The following ACACB variants were observed in gnomAD, a reference collection of about 807,000 sequenced individuals.
ACACB encodes the protein acetyl-CoA carboxylase 2.
A neutral mutation model predicts 278.8 loss-of-function variants in ACACB; 209 were observed. That is an observed-to-expected ratio of 0.75 (90% CI 0.67 to 0.84). The LOEUF is 0.84. ACACB is among the 40% of genes least tolerant of loss of function. The probability of loss-of-function intolerance (pLI) is 0.00; values close to 1 mark genes in which losing one functional copy is unlikely to be tolerated. For synonymous variants in ACACB, 1,174 were observed against 1,285.6 expected, an observed-to-expected ratio of 0.91 and a Z score of 1.86; for missense variants, 2,850 against 3,269.0, an observed-to-expected ratio of 0.87 and a Z score of 3.13.
intron 2 of ACACB, among the ~76,000 whole-genome samples, chr12:109,161,952 AC>A (rs34435040): frequency 0.46 from 69,778 of 150,448 alleles, 17,820 homozygotes; most frequent in Middle Eastern, 0.7. Flanking sequence ...GGTTGCATCT[AC>A]CTTTTTTTGT....
chr12:109,235,579 G>T (rs760508803), intron 32 of ACACB, 27 bp from the exon 33 acceptor site: 1 of 1,606,446 alleles, frequency 6.2e-7, no homozygotes, highest in Non-Finnish European at 8.5e-7. Flanking sequence ...TGATTTAATT[G>T]TCTTGTGTGT....
In ACACB at chr12:109,237,258, C is replaced by G. The variant is rs1394828261; in HGVS notation, c.4540C>G (p.Pro1514Ala). Reference sequence around the variant, plus strand: ...GCGTAACTTCGATCTGACCGCCGTGCCCTGTGCCAACCACAAGATGCACCT... The same window carrying G: ...GCGTAACTTCGATCTGACCGCCGTGGCCTGTGCCAACCACAAGATGCACCT... ...RMRNFDLTAV[P>A]CANHKMHLYL... Residue 1514 changes from proline (P) to alanine (A), a missense_variant, in exon 34 of 53, where the codon CCC becomes GCC. Physicochemically the swap from Pro to Ala is conservative, Grantham distance 27. This residue lies in a region of ACACB where 2,265 missense variants were observed against 2,561.3 expected (regional missense o/e 0.88). Coordinates refer to ENST00000338432, the MANE Select transcript of ACACB (RefSeq NM_001093.4). 2 of 1,614,202 alleles carry G rather than the reference C, an allele frequency of 1.2e-6. No homozygotes were observed. Among genetic ancestry groups the G allele is most frequent in the Non-Finnish European group, 1.7e-6 (2 of 1,180,028 alleles).
At chr12:109,121,886 T>C (rs1369604417) in intron 1 of ACACB, among the ~76,000 whole-genome samples, 1 of 152,110 alleles carries the variant, frequency 6.6e-6, no homozygotes, top group Non-Finnish European at 1.5e-5. Context: ...ATAAACTCAT[T>C]GGTGAATGCA....
intron 28 of ACACB, among the ~76,000 whole-genome samples, chr12:109,229,523 G>C (rs115295143): frequency 0.023 from 3,549 of 151,948 alleles, 147 homozygotes; most frequent in African/African-American, 0.082. Flanking sequence ...GTTCTCACCT[G>C]AGAATATCTT....
chr12:109,163,813 C>A (rs2043814369), intron 2 of ACACB, among the ~76,000 whole-genome samples: 1 of 152,076 alleles, frequency 6.6e-6, no homozygotes, highest in Non-Finnish European at 1.5e-5. Context: ...CCATGCCCGG[C>A]TAATTTTTGT....
Position 109,193,676 on chromosome 12 carries a change from C to A in ACACB, c.2428C>A (p.Leu810Met). Residue 810 changes from leucine to methionine, a missense_variant, in exon 16 of 53, where the codon CTG becomes ATG. Coordinates refer to ENST00000338432, the MANE Select transcript of ACACB (RefSeq NM_001093.4). ...RGQVLPADSL[L>M]NLVDVELIYG... ...CCAGGTCCTCCCAGCGGATTCACTA[C>A]TGAACCTCGTAGATGTGGAATTAAT... 1 of 1,613,990 alleles carries A rather than the reference C, an allele frequency of 6.2e-7. No individual in the cohort carries two copies. Among genetic ancestry groups the A allele is most frequent in the East Asian group, 2.2e-5 (1 of 44,888 alleles).
In ACACB at chr12:109,167,013, C is replaced by T. The variant is rs771001580; in HGVS notation, c.786+20C>T. The T allele has an allele frequency of 3.9e-5, 63 of 1,613,642 alleles. No homozygotes were observed. Among genetic ancestry groups the T allele is most frequent in the Non-Finnish European group, 1.9e-5 (23 of 1,179,880 alleles). ...GAGAAGGTACAGATGGGTCTCGGCA[C>T]TCTGGGTGGGGTCCGATTGGGGTGC... On this transcript the variant is annotated intron_variant, in intron 3 of 52. Transcript: ENST00000338432.
Position 109,267,422 on chromosome 12 carries a change from G to T in ACACB, c.*1060G>T, listed in dbSNP as rs1363347677. On this transcript the variant is annotated 3_prime_UTR_variant, in exon 53 of 53. Coordinates refer to ENST00000338432, the MANE Select transcript of ACACB (RefSeq NM_001093.4). ...CTTCTCTCCAAGGAAAATGAGGACT[G>T]CCCCTTCCCCCTGCAGGATTGGCCC... 6.6e-6 allele frequency: 1 copy of T among 152,372 alleles called. No individual in the cohort carries two copies. The highest frequency in any genetic ancestry group is 2.4e-5 in the African/African-American group (1 of 41,466). The allele number at this position is 152,372 out of a possible 1,614,324, so 9.4% of individuals were successfully genotyped here.
Position 109,191,916 on chromosome 12 carries a change from A to G in ACACB, c.2365A>G (p.Thr789Ala), listed in dbSNP as rs941660768. Residue 789 changes from threonine to alanine, a missense_variant, in exon 15 of 53, where the codon ACG becomes GCG. Physicochemically the swap from Thr to Ala is moderately conservative, Grantham distance 58. Transcript: ENST00000338432. ...GAACGTGGCCGATGCGATGTTCAGA[A>G]CGTGCATGACAGATTTCTTACACTC... is the stretch of plus-strand genomic sequence containing the variant. ...ALNVADAMFR[T>A]CMTDFLHSLE... is the part of the protein sequence containing the mutation. 1.9e-6 allele frequency: 3 copies of G among 1,614,208 alleles called. No individual in the cohort carries two copies. The highest frequency in any genetic ancestry group is 2.5e-6 in the Non-Finnish European group (3 of 1,180,024).
Position 109,166,775 on chromosome 12 carries a change from T to G in ACACB, c.654-86T>G. 3.9e-6 allele frequency: 6 copies of G among 1,535,374 alleles called. No homozygotes were observed. In the South Asian group the frequency reaches 6.9e-5, roughly 18 times the overall value. Reference sequence around the variant, plus strand: ...GGGGGCTCTGGTGCAGTTTGGCTCCTCTGCTCCACTGGCTTTACAGGTGCC... The same window carrying G: ...GGGGGCTCTGGTGCAGTTTGGCTCCGCTGCTCCACTGGCTTTACAGGTGCC... On this transcript the variant is annotated intron_variant, in intron 2 of 52. Coordinates refer to ENST00000338432, the MANE Select transcript of ACACB (RefSeq NM_001093.4).
intron 1 of ACACB, among the ~76,000 whole-genome samples, chr12:109,132,996 T>C (rs1265834672): frequency 1.3e-5 from 2 of 152,134 alleles, no homozygotes; most frequent in Non-Finnish European, 2.9e-5. Context: ...ATCTTGCCCA[T>C]TGACTCATCC....
Position 109,232,810 on chromosome 12 carries a change from C to G in ACACB, c.4139+4C>G. The G allele has an allele frequency of 6.2e-7, 1 of 1,614,002 alleles. No homozygotes were observed. Among genetic ancestry groups the G allele is most frequent in the Non-Finnish European group, 8.5e-7 (1 of 1,179,960 alleles). On this transcript the variant is annotated splice_donor_region_variant and intron_variant, in intron 29 of 52. Transcript: ENST00000338432. ...GGAGATTCGAGGACTTCACCAGGTACCCAGCATGGCCCGGTCTCCAACACC... is the reference window on the plus strand; with the variant it reads ...GGAGATTCGAGGACTTCACCAGGTAGCCAGCATGGCCCGGTCTCCAACACC...
At chr12:109,227,317 A>T in intron 27 of ACACB, 54 bp from the exon 28 acceptor site, 1 of 1,513,404 alleles carries the variant, frequency 6.6e-7, no homozygotes, top group Admixed American at 1.9e-5. Flanking sequence ...TCAGCTTTTG[A>T]GCACACTCTG....
intron 13 of ACACB, among the ~76,000 whole-genome samples, chr12:109,190,889 G>A (rs2044852103): frequency 6.6e-6 from 1 of 152,060 alleles, no homozygotes; most frequent in Admixed American, 6.6e-5. Context: ...GACTCCCAAA[G>A]CAGTGGGATT....
intron 4 of ACACB, among the ~76,000 whole-genome samples, chr12:109,171,199 A>G (rs2044103820): frequency 6.6e-6 from 1 of 151,916 alleles, no homozygotes; most frequent in South Asian, 2.1e-4. Flanking sequence ...TAAACTTTAA[A>G]TAGGACTTTT....
Position 109,244,562 on chromosome 12 carries a change from G to A in ACACB, c.5179-1064G>A, listed in dbSNP as rs571554047. On this transcript the variant is annotated intron_variant, in intron 37 of 52. Transcript: ENST00000338432. ...TGACTGAACCAGAAGCAAATCCATC[G>A]TCTCTTTTTTAGATAAATCCATTGT... Among the ~76,000 whole-genome samples, 8 of 152,216 alleles carry A rather than the reference G, an allele frequency of 5.3e-5. No individual in the cohort carries two copies. The South Asian group carries it at 1.0e-3, about 20-fold the overall frequency.
chr12:109,249,882 A>G lies in ACACB; in HGVS notation c.5670-102A>G, dbSNP rs538131909. The G allele has an allele frequency of 4.3e-4, 614 of 1,441,278 alleles. 4 individuals carry two copies. In the East Asian group the frequency reaches 6.8e-3, roughly 16 times the overall value. The allele number at this position is 1,441,278 out of a possible 1,614,324, so 89.3% of individuals were successfully genotyped here. A position where few individuals can be genotyped will look rare whatever the true frequency, so the allele number is the denominator to read the frequency against. ...CCTCTGGATGCTTTGTCTGCTTCCA[A>G]TCTCTCACCTTGCTGCCCAGTCAGT... On this transcript the variant is annotated intron_variant, in intron 40 of 52. Coordinates refer to ENST00000338432, the MANE Select transcript of ACACB (RefSeq NM_001093.4).
At chr12:109,194,502 C>CTGTGTGCG (rs1565907881) in intron 16 of ACACB, among the ~76,000 whole-genome samples, 3 of 72,970 alleles carry the variant, frequency 4.1e-5, no homozygotes, top group East Asian at 3.4e-4. Flanking sequence ...ACCTCTGCCT[C>CTGTGTGCG]TGTGTGTGCA....
chr12:109,174,354 T>C, intron 7 of ACACB, 124 bp downstream of exon 7: 1 of 719,472 alleles, frequency 1.4e-6, no homozygotes, highest in Non-Finnish European at 2.1e-6. Context: ...TTACTTTTAT[T>C]TTTTAGTCAT....
Sources: allele counts gnomAD v4.1 joint callset (sites outside exome capture counted in the v4.1 genomes callset), GRCh38; gene constraint gnomAD v4.1.1; regional missense constraint gnomAD v4.1.1; transcripts MANE v1.5; gene names NCBI Gene and HGNC (gene_info 2026-07-23, HGNC 2026-07-21).